The following ALK variants were observed in gnomAD, a reference collection of about 807,000 sequenced individuals.
ALK encodes ALK tyrosine kinase receptor.
In ALK, 74 loss-of-function variants were observed where a neutral mutation model predicts 163.1. The ratio of observed to expected loss-of-function variants is 0.45; its 90% confidence interval spans 0.38 to 0.55. ALK has a LOEUF of 0.55. Among genes scored for constraint, ALK ranks in the 20% least tolerant of loss-of-function variants. The probability of loss-of-function intolerance (pLI) is 0.00; values close to 1 mark genes in which losing one functional copy is unlikely to be tolerated. For missense variants in ALK, 2,063 were observed against 2,105.3 expected, an observed-to-expected ratio of 0.98 and a Z score of 0.39; for synonymous variants, 960 against 843.2, an observed-to-expected ratio of 1.14 and a Z score of -2.40.
intron 4 of ALK, among the ~76,000 whole-genome samples, chr2:29,529,746 G>A (rs1204452117): frequency 2.0e-5 from 3 of 152,190 alleles, no homozygotes; most frequent in African/African-American, 7.2e-5. Context: ...GAGGAGGCTG[G>A]TCCAGGCATC....
At chr2:29,315,566 A>G (rs1245956963) in intron 8 of ALK, among the ~76,000 whole-genome samples, 1 of 152,184 alleles carries the variant, frequency 6.6e-6, no homozygotes, top group Admixed American at 6.5e-5. Flanking sequence ...CTGAAGTTTC[A>G]GTGCACCTCC....
chr2:29,578,901 C>T (rs1674599316), intron 3 of ALK, among the ~76,000 whole-genome samples: 1 of 152,190 alleles, frequency 6.6e-6, no homozygotes, highest in African/African-American at 2.4e-5. Flanking sequence ...GCCCTTCAGA[C>T]AATCTGAGCA....
intron 11 of ALK, among the ~76,000 whole-genome samples, chr2:29,258,693 C>T (rs1027247824): frequency 2.0e-5 from 3 of 152,178 alleles, no homozygotes; most frequent in African/African-American, 7.2e-5. Flanking sequence ...CAAATGATCA[C>T]GTCTTTGGTC....
At chr2:29,679,928 C>A (rs1678012188) in intron 3 of ALK, among the ~76,000 whole-genome samples, 1 of 151,844 alleles carries the variant, frequency 6.6e-6, no homozygotes, top group African/African-American at 2.4e-5. Flanking sequence ...TTTGTTTTGT[C>A]TTTATTTTTA....
intron 1 of ALK, among the ~76,000 whole-genome samples, chr2:29,808,092 A>G (rs1037973391): frequency 6.6e-6 from 1 of 152,180 alleles, no homozygotes; most frequent in Non-Finnish European, 1.5e-5. Context: ...TGTATTTTCT[A>G]TATGCAATTA....
chr2:29,380,528 C>T (rs1365807553), intron 5 of ALK, among the ~76,000 whole-genome samples: 2 of 152,228 alleles, frequency 1.3e-5, no homozygotes, highest in Non-Finnish European at 2.9e-5. Context: ...AAGCGATTCT[C>T]CTGCCTCAGC....
rs536903531 is a variant in ALK, at chr2:29,414,107, G to A, written c.1155-30248C>T. 2.0e-5 allele frequency among the ~76,000 whole-genome samples: 3 copies of A among 152,348 alleles called. No homozygotes were observed. In the South Asian group the frequency reaches 6.2e-4, roughly 32 times the overall value. ...ATGCATTGTGTTATGAGGTTAGGAT[G>A]GCTACAACGGCACTAGGTGATTGAT... On this transcript the variant is annotated intron_variant, in intron 4 of 28. Transcript: ENST00000389048.
chr2:29,607,987 AGTTTAGGG>A (rs1192057115), intron 3 of ALK, among the ~76,000 whole-genome samples: 1 of 152,074 alleles, frequency 6.6e-6, no homozygotes, highest in Non-Finnish European at 1.5e-5. Flanking sequence ...TTTTATTTTA[AGTTTAGGG>A]GTATGTGTGC....
chr2:29,406,533 G>A (rs1182365318), intron 4 of ALK, among the ~76,000 whole-genome samples: 1 of 152,178 alleles, frequency 6.6e-6, no homozygotes, highest in Non-Finnish European at 1.5e-5. Flanking sequence ...ACCGATTGCT[G>A]ATTGTACCTG....
intron 1 of ALK, among the ~76,000 whole-genome samples, chr2:29,875,449 A>C (rs1220712557): frequency 6.6e-6 from 1 of 152,134 alleles, no homozygotes; most frequent in African/African-American, 2.4e-5. Context: ...AAGTTCTGGG[A>C]TACATGTGCT....
chr2:29,610,486 C>T (rs961070115), intron 3 of ALK, among the ~76,000 whole-genome samples: 1 of 152,046 alleles, frequency 6.6e-6, no homozygotes, highest in African/African-American at 2.4e-5. Flanking sequence ...TCATTCGAAT[C>T]CCATGTTTAT....
intron 4 of ALK, among the ~76,000 whole-genome samples, chr2:29,453,585 C>T (rs1670877577): frequency 6.6e-6 from 1 of 151,918 alleles, no homozygotes. Flanking sequence ...TTCTTGAGGG[C>T]AAGGGCTTAT....
chr2:29,724,956 T>C (rs1272789093), intron 1 of ALK, among the ~76,000 whole-genome samples: 1 of 152,130 alleles, frequency 6.6e-6, no homozygotes, highest in Non-Finnish European at 1.5e-5. Context: ...TCAAAAGTTA[T>C]AGCTTCAGCA....
At chr2:29,338,205 CA>C (rs1461146449) in intron 5 of ALK, among the ~76,000 whole-genome samples, 1 of 152,076 alleles carries the variant, frequency 6.6e-6, no homozygotes, top group African/African-American at 2.4e-5. Context: ...ATCCTTGCAG[CA>C]AAACAATAAC....
intron 2 of ALK, among the ~76,000 whole-genome samples, chr2:29,713,315 G>C (rs1420175646): frequency 6.6e-6 from 1 of 152,252 alleles, no homozygotes; most frequent in Non-Finnish European, 1.5e-5. Context: ...CAGGTACTAG[G>C]GCATTAGAAC....
chr2:29,712,508 G>A (rs1025709317), intron 2 of ALK, among the ~76,000 whole-genome samples: 3 of 152,128 alleles, frequency 2.0e-5, no homozygotes, highest in Admixed American at 6.5e-5. Flanking sequence ...CATTAAATAC[G>A]TAATTTCAGA....
chr2:29,671,561 G>C (rs1375833948), intron 3 of ALK, among the ~76,000 whole-genome samples: 2 of 152,068 alleles, frequency 1.3e-5, no homozygotes, highest in Non-Finnish European at 2.9e-5. Context: ...GGAGAAGCTG[G>C]TTGACCACCT....
chr2:29,749,054 T>C (rs146676050), intron 1 of ALK, among the ~76,000 whole-genome samples: 1 of 152,276 alleles, frequency 6.6e-6, no homozygotes, highest in Non-Finnish European at 1.5e-5. Flanking sequence ...TGAAGGTGTG[T>C]CCTCTGGCCT....
At chr2:29,518,077 C>T (rs1558362863) in intron 4 of ALK, among the ~76,000 whole-genome samples, 1 of 152,202 alleles carries the variant, frequency 6.6e-6, no homozygotes, top group Non-Finnish European at 1.5e-5. Flanking sequence ...CTCCCCAGTT[C>T]CCTTCTGTGC....
Sources: gnomAD v4.1 joint callset for allele counts (sites outside exome capture counted in the v4.1 genomes callset) on GRCh38, gnomAD v4.1.1 for gene constraint, MANE v1.5 for transcripts, NCBI Gene and HGNC (gene_info 2026-07-23, HGNC 2026-07-21) for gene names.